ABCC9: variants seen among roughly 807,000 people sequenced by gnomAD.
ABCC9 encodes ATP binding cassette subfamily C member 9.
A neutral mutation model predicts 188.3 loss-of-function variants in ABCC9; 95 were observed. The ratio of observed to expected loss-of-function variants is 0.50; its 90% CI spans 0.43 to 0.60. The LOEUF (loss-of-function observed/expected upper bound fraction) is 0.60. Among genes scored for constraint, ABCC9 ranks in the 20% least tolerant of loss-of-function variants. The pLI, the probability that ABCC9 is intolerant of heterozygous loss-of-function variation, is 0.00. For synonymous variants in ABCC9, 659 were observed against 652.7 expected, an observed-to-expected ratio of 1.01 and a Z score of -0.15; for missense variants, 1,102 against 1,876.3, an observed-to-expected ratio of 0.59 and a Z score of 7.62.
At chr12:21,866,298 G>GAGAT (rs1945776470) in intron 18 of ABCC9, among the ~76,000 whole-genome samples, 1 of 152,102 alleles carries the variant, frequency 6.6e-6, no homozygotes, top group African/African-American at 2.4e-5. Context: ...AAACAAGAGA[G>GAGAT]AGATACAGGT....
intron 21 of ABCC9, 30 bp downstream of exon 21, chr12:21,860,941 C>A: frequency 6.5e-7 from 1 of 1,540,470 alleles, no homozygotes; most frequent in South Asian, 1.1e-5. Flanking sequence ...GATTTTTGTT[C>A]ATTGCTTAAT....
At chr12:21,828,669 A>G (rs1943533609) in intron 31 of ABCC9, 1 of 401,842 alleles carries the variant, frequency 2.5e-6, no homozygotes, top group Non-Finnish European at 4.7e-6. Context: ...CTTTTGGAAA[A>G]AAAAATTTGA....
At chr12:21,863,583 A>G (rs1262563361) in intron 19 of ABCC9, among the ~76,000 whole-genome samples, 2 of 152,184 alleles carry the variant, frequency 1.3e-5, no homozygotes, top group Non-Finnish European at 2.9e-5. Flanking sequence ...AACTTTCAAT[A>G]TTGAAATCGT....
intron 30 of ABCC9, among the ~76,000 whole-genome samples, chr12:21,831,866 A>C (rs1165084889): frequency 6.6e-6 from 1 of 152,184 alleles, no homozygotes; most frequent in Non-Finnish European, 1.5e-5. Context: ...AGTGGACTAC[A>C]TTTGAGATGA....
In ABCC9 at chr12:21,915,909, C is replaced by T. The variant is rs727504612; in HGVS notation, c.575G>A (p.Arg192Lys). The change falls in exon 7 of 40, where the codon AGA becomes AAA. Residue 192 changes from arginine to lysine, a missense_variant and splice_region_variant. By Grantham distance (26) the Arg-to-Lys change is conservative. This residue lies in a region of ABCC9 where 305 missense variants were observed against 573.0 expected (regional missense o/e 0.53). Coordinates refer to ENST00000261200, the MANE Select transcript of ABCC9 (RefSeq NM_020297.4). ...AVEINVIRVR[R>K]YVFFMNPQKV... The stretch of plus-strand genomic sequence containing the variant: ...CTGAGGATTCATGAAAAATACATAT[C>T]TCTGTGGCAAGAAAAATTCCACAGT... The T allele has an allele frequency of 2.9e-5, 47 of 1,611,808 alleles. No homozygotes were observed. Among genetic ancestry groups the T allele is most frequent in the Non-Finnish European group, 3.6e-5 (43 of 1,178,456 alleles).
At chr12:21,917,687 C>A (rs1465084160) in intron 5 of ABCC9, among the ~76,000 whole-genome samples, 1 of 152,052 alleles carries the variant, frequency 6.6e-6, no homozygotes, top group African/African-American at 2.4e-5. Flanking sequence ...TCTTATAGAG[C>A]GAACTGAAAC....
intron 31 of ABCC9, among the ~76,000 whole-genome samples, chr12:21,820,515 T>C (rs1299902788): frequency 6.6e-6 from 1 of 152,032 alleles, no homozygotes; most frequent in Non-Finnish European, 1.5e-5. Context: ...TATATATATA[T>C]ATAAAACCTT....
At chr12:21,807,974 A>G (rs1941973320) in intron 37 of ABCC9, among the ~76,000 whole-genome samples, 1 of 152,014 alleles carries the variant, frequency 6.6e-6, no homozygotes, top group Non-Finnish European at 1.5e-5. Flanking sequence ...TGTCCCTAGT[A>G]CTGCGGTATC....
At chr12:21,898,673 T>A (rs1262619363) in intron 12 of ABCC9, among the ~76,000 whole-genome samples, 1 of 152,216 alleles carries the variant, frequency 6.6e-6, no homozygotes, top group Non-Finnish European at 1.5e-5. Flanking sequence ...GCAACAAAGA[T>A]GAGCAAAACT....
chr12:21,808,511 G>A (rs962989159), intron 37 of ABCC9, among the ~76,000 whole-genome samples: 1 of 152,074 alleles, frequency 6.6e-6, no homozygotes, highest in African/African-American at 2.4e-5. Flanking sequence ...AAATATTAAT[G>A]GTGAGAGAGG....
intron 30 of ABCC9, among the ~76,000 whole-genome samples, chr12:21,829,626 A>G (rs1943640609): frequency 6.6e-6 from 1 of 152,244 alleles, no homozygotes; most frequent in African/African-American, 2.4e-5. Flanking sequence ...GAGTCCTTCT[A>G]ATAACAACAT....
intron 4 of ABCC9, among the ~76,000 whole-genome samples, chr12:21,928,350 G>GGA (rs1949128891): frequency 7.6e-6 from 1 of 131,030 alleles, no homozygotes; most frequent in African/African-American, 3.0e-5. Context: ...GGAAGAAAAA[G>GGA]AGAAAGAAAG....
chr12:21,810,074 A>G, intron 36 of ABCC9, 119 bp from the exon 37 acceptor site: 5 of 700,374 alleles, frequency 7.1e-6, no homozygotes, highest in South Asian at 3.2e-5. Context: ...TTACTGCTGT[A>G]TATTCAGCAC....
chr12:21,904,883 G>A (rs1947954844), intron 12 of ABCC9, among the ~76,000 whole-genome samples: 1 of 152,154 alleles, frequency 6.6e-6, no homozygotes, highest in Non-Finnish European at 1.5e-5. Context: ...ATTCCTCAAG[G>A]ATCTAGAACT....
At chr12:21,836,300 T>A (rs1438506029) in intron 30 of ABCC9, among the ~76,000 whole-genome samples, 1 of 152,198 alleles carries the variant, frequency 6.6e-6, no homozygotes, top group African/African-American at 2.4e-5. Context: ...TCTAAGTTAT[T>A]TAAAGATACT....
Position 21,925,928 on chromosome 12 carries a change from G to T in ABCC9, c.406+14C>A. The T allele has an allele frequency of 6.2e-7, 1 of 1,605,492 alleles. No homozygotes were observed. The highest frequency in any genetic ancestry group is 8.5e-7 in the Non-Finnish European group (1 of 1,172,368). On this transcript the variant is annotated intron_variant, in intron 5 of 39. Coordinates refer to ENST00000261200, the MANE Select transcript of ABCC9 (RefSeq NM_020297.4). ...ATCTCTTTAAGGAGAAACAACAAAA[G>T]TGATCATACTTACCTAAAAGTAATT...
chr12:21,844,567 G>A lies in ABCC9; in HGVS notation c.3246-15C>T, dbSNP rs779791867. The A allele has an allele frequency of 6.2e-7, 1 of 1,611,488 alleles. No homozygotes were observed. The highest frequency in any genetic ancestry group is 1.1e-5 in the South Asian group (1 of 91,024). On this transcript the variant is annotated splice_polypyrimidine_tract_variant and intron_variant, in intron 27 of 39. Coordinates refer to ENST00000261200, the MANE Select transcript of ABCC9 (RefSeq NM_020297.4). Reference sequence around the variant, plus strand: ...TATCAAAAAACCTAGGCAATAAACAGATGGAAGTATATGATAATACTAAAC... The same window carrying A: ...TATCAAAAAACCTAGGCAATAAACAAATGGAAGTATATGATAATACTAAAC...
At chr12:21,902,233 T>G (rs1947796487) in intron 12 of ABCC9, among the ~76,000 whole-genome samples, 1 of 152,150 alleles carries the variant, frequency 6.6e-6, no homozygotes, top group African/African-American at 2.4e-5. Flanking sequence ...GAAATAAAGA[T>G]GTTCTTTGAA....
chr12:21,926,205 A>G, intron 4 of ABCC9, 142 bp from the exon 5 acceptor site: 1 of 1,164,492 alleles, frequency 8.6e-7, no homozygotes, highest in Non-Finnish European at 1.2e-6. Context: ...AAGATAATAC[A>G]TAAGGGAAGA....
Sources: gnomAD v4.1 joint callset for allele counts (sites outside exome capture counted in the v4.1 genomes callset) on GRCh38, gnomAD v4.1.1 for gene constraint, gnomAD v4.1.1 regional missense constraint, MANE v1.5 for transcripts, NCBI Gene and HGNC (gene_info 2026-07-23, HGNC 2026-07-21) for gene names.